The following CENPP variants were observed in gnomAD, a reference collection of about 807,000 sequenced individuals.
The protein encoded by CENPP is centromere protein P.
CENPP carries 24 observed loss-of-function variants against 35.6 expected under a neutral mutation model. The ratio of observed to expected loss-of-function variants is 0.67; its 90% CI spans 0.49 to 0.95. The LOEUF (loss-of-function observed/expected upper bound fraction) is 0.95, where lower values mean the gene tolerates loss of function less well. CENPP is among the 40% of genes least tolerant of loss of function. CENPP has a pLI of 0.00. For missense variants in CENPP, 332 were observed against 345.3 expected (o/e 0.96, Z 0.31); for synonymous variants, 120 against 125.5 (o/e 0.96, Z 0.29).
At chr9:92,333,856 G>A in intron 2 of CENPP, among the ~76,000 whole-genome samples, 1 of 152,000 alleles carries the variant, frequency 6.6e-6, no homozygotes, top group East Asian at 1.9e-4. Flanking sequence ...CACAGTTTCT[G>A]TGGTGTGTTA....
chr9:92,509,887 A>G, intron 5 of CENPP: 1 of 1,595,542 alleles, frequency 6.3e-7, no homozygotes, highest in Non-Finnish European at 8.5e-7. Flanking sequence ...TTGAAAAACA[A>G]ATATTAAATA....
At chr9:92,507,145 G>A (rs543663762) in intron 5 of CENPP, among the ~76,000 whole-genome samples, 1 of 152,282 alleles carries the variant, frequency 6.6e-6, no homozygotes, top group East Asian at 1.9e-4. Context: ...GATGGGGATG[G>A]CAGGACAAGG....
At chr9:92,326,967 A>G (rs1840552302) in intron 1 of CENPP, among the ~76,000 whole-genome samples, 2 of 152,232 alleles carry the variant, frequency 1.3e-5, no homozygotes, top group Admixed American at 1.3e-4. Context: ...CGGTCATGAA[A>G]GTAGAGGAAG....
At chr9:92,351,088 A>C (rs542974888) in intron 4 of CENPP, among the ~76,000 whole-genome samples, 2 of 152,202 alleles carry the variant, frequency 1.3e-5, no homozygotes, top group African/African-American at 4.8e-5. Flanking sequence ...TACTTACAAA[A>C]TCTACCAACT....
intron 5 of CENPP, among the ~76,000 whole-genome samples, chr9:92,586,969 A>C (rs985203265): frequency 1.3e-5 from 2 of 149,366 alleles, no homozygotes; most frequent in African/African-American, 4.9e-5. Context: ...GGGCATAGAA[A>C]GAAACAGGAA....
chr9:92,586,995 G>C (rs541490171), intron 5 of CENPP, among the ~76,000 whole-genome samples: 1 of 151,070 alleles, frequency 6.6e-6, no homozygotes, highest in Non-Finnish European at 1.5e-5. Flanking sequence ...GTCCCATTTG[G>C]TGGGGGCGGG....
intron 5 of CENPP, among the ~76,000 whole-genome samples, chr9:92,559,112 C>T (rs1849790901): frequency 6.6e-6 from 1 of 152,184 alleles, no homozygotes; most frequent in South Asian, 2.1e-4. Context: ...ACACTGGATT[C>T]GCGCCCTCCC....
chr9:92,399,883 G>A (rs540081861), intron 5 of CENPP, among the ~76,000 whole-genome samples: 142 of 151,928 alleles, frequency 9.3e-4, no homozygotes, highest in African/African-American at 3.2e-3. Flanking sequence ...TACCAGTATC[G>A]CACTTTTTAA....
chr9:92,529,534 T>C (rs1848620393), intron 5 of CENPP, among the ~76,000 whole-genome samples: 1 of 152,120 alleles, frequency 6.6e-6, no homozygotes, highest in South Asian at 2.1e-4. Context: ...TATTCATAAT[T>C]GCCAAAACTT....
At chr9:92,474,879 G>A (rs1188946045) in intron 5 of CENPP, 1 of 1,613,464 alleles carries the variant, frequency 6.2e-7, no homozygotes, top group Admixed American at 1.7e-5. Flanking sequence ...AGGAATAATA[G>A]GAGCACATAC....
chr9:92,357,905 C>A (rs1180963054), intron 4 of CENPP, among the ~76,000 whole-genome samples: 1 of 151,980 alleles, frequency 6.6e-6, no homozygotes, highest in Non-Finnish European at 1.5e-5. Flanking sequence ...GACTTCTGGC[C>A]TCCATACTTT....
At chr9:92,414,029 G>A (rs898562111) in intron 5 of CENPP, among the ~76,000 whole-genome samples, 17 of 152,128 alleles carry the variant, frequency 1.1e-4, no homozygotes, top group African/African-American at 4.1e-4. Context: ...CCTTATCTGA[G>A]AAATTCTATG....
chr9:92,430,220 A>T (rs1218001397), intron 5 of CENPP, among the ~76,000 whole-genome samples: 1 of 152,160 alleles, frequency 6.6e-6, no homozygotes, highest in South Asian at 2.1e-4. Flanking sequence ...ACAGCCCTGT[A>T]TGCTGCGTTT....
At chr9:92,532,940 G>C (rs1848888105) in intron 5 of CENPP, among the ~76,000 whole-genome samples, 1 of 151,956 alleles carries the variant, frequency 6.6e-6, no homozygotes, top group South Asian at 2.1e-4. Context: ...TCAGGCATAA[G>C]GTTAAGTACA....
At chr9:92,585,043 A>G (rs1157068136) in intron 5 of CENPP, among the ~76,000 whole-genome samples, 1 of 152,250 alleles carries the variant, frequency 6.6e-6, no homozygotes, top group Non-Finnish European at 1.5e-5. Context: ...AGTGATTGCT[A>G]TACTATACAG....
At chr9:92,496,365 A>G (rs1429787195) in intron 5 of CENPP, 9 of 1,606,208 alleles carry the variant, frequency 5.6e-6, no homozygotes, top group African/African-American at 1.3e-5. Context: ...GATCTTATGC[A>G]TGAAAATGTG....
chr9:92,459,118 A>C (rs1844995716), intron 5 of CENPP, among the ~76,000 whole-genome samples: 1 of 152,204 alleles, frequency 6.6e-6, no homozygotes, highest in African/African-American at 2.4e-5. Flanking sequence ...ACAAAATGGG[A>C]ACTCATGATG....
At chr9:92,522,596 A>G (rs1379096999) in intron 5 of CENPP, 1 of 1,613,000 alleles carries the variant, frequency 6.2e-7, no homozygotes. Flanking sequence ...TTATAACTTG[A>G]TTCTACTCCA....
chr9:92,514,530 CT>C (rs1428381669), intron 5 of CENPP: 2 of 1,444,824 alleles, frequency 1.4e-6, no homozygotes, highest in Non-Finnish European at 1.8e-6. Context: ...CCACCTCAGC[CT>C]TTCAAAGTGC....
Sources: allele counts gnomAD v4.1 joint callset (sites outside exome capture counted in the v4.1 genomes callset), GRCh38; gene constraint gnomAD v4.1.1; transcripts MANE v1.5; gene names NCBI Gene and HGNC (gene_info 2026-07-23, HGNC 2026-07-21).